Variants in TLE4 observed in about 807,000 individuals in gnomAD.
TLE4 encodes transducin-like enhancer protein 4.
In TLE4, 8 loss-of-function variants were observed where a neutral mutation model predicts 92.8. The observed-to-expected ratio is 0.09, with a 90% CI of 0.05 to 0.16. TLE4 has a LOEUF of 0.16. Ranked by LOEUF, TLE4 falls within the 10% of genes least tolerant of loss-of-function variation. The probability of loss-of-function intolerance (pLI) is 1.00; values close to 1 mark genes in which losing one functional copy is unlikely to be tolerated. For missense variants in TLE4, 675 were observed against 997.6 expected (o/e 0.68, Z 4.36); for synonymous variants, 371 against 374.1 (o/e 0.99, Z 0.10).
chr9:79,665,000 A>T (rs2061165910), intron 8 of TLE4, among the ~76,000 whole-genome samples: 1 of 152,080 alleles, frequency 6.6e-6, no homozygotes, highest in African/African-American at 2.4e-5. Flanking sequence ...CTATTTGGTT[A>T]ATTGTTAGGG....
chr9:79,637,774 C>T (rs1206785755), intron 6 of TLE4, among the ~76,000 whole-genome samples: 1 of 152,074 alleles, frequency 6.6e-6, no homozygotes, highest in Non-Finnish European at 1.5e-5. Context: ...CTTGGATCTT[C>T]TGGAATTTCA....
In TLE4 at chr9:79,726,810, C is replaced by G. The variant is rs991571025; in HGVS notation, c.*1666C>G. 3 of 152,456 alleles carry G rather than the reference C, an allele frequency of 2.0e-5. No homozygotes were observed. The highest frequency in any genetic ancestry group is 2.9e-5 in the Non-Finnish European group (2 of 68,024). 9.4% of individuals were successfully genotyped at this position (152,456 alleles called of 1,614,324 possible). ...TTTTTTATCTTTGGCTGTGCCACTCCTATATATTAAAAATGCCTAGTTTTT... is the reference window on the plus strand; with the variant it reads ...TTTTTTATCTTTGGCTGTGCCACTCGTATATATTAAAAATGCCTAGTTTTT... On this transcript the variant is annotated 3_prime_UTR_variant, in exon 20 of 20. Coordinates refer to ENST00000376552, the MANE Select transcript of TLE4 (RefSeq NM_007005.6).
At chr9:79,596,038 G>C (rs1411511442) in intron 4 of TLE4, among the ~76,000 whole-genome samples, 1 of 148,620 alleles carries the variant, frequency 6.7e-6, no homozygotes, top group Non-Finnish European at 1.5e-5. Flanking sequence ...AGTAGAGACA[G>C]GGTTTCACCG....
intron 6 of TLE4, among the ~76,000 whole-genome samples, chr9:79,642,310 C>T (rs1160223990): frequency 6.6e-6 from 1 of 151,888 alleles, no homozygotes; most frequent in Non-Finnish European, 1.5e-5. Flanking sequence ...AGTGGCTATT[C>T]ATAGGTATAA....
chr9:79,652,953 C>A (rs1231739809), intron 7 of TLE4, 159 bp downstream of exon 7: 1 of 847,756 alleles, frequency 1.2e-6, no homozygotes. Flanking sequence ...TAGTCAATTG[C>A]CAAATGATAT....
At chr9:79,650,581 T>C (rs2058787118) in intron 6 of TLE4, among the ~76,000 whole-genome samples, 2 of 152,234 alleles carry the variant, frequency 1.3e-5, no homozygotes, top group South Asian at 4.1e-4. Context: ...AATATAATTT[T>C]GTGTGCATAC....
chr9:79,684,373 G>A (rs1417195735), intron 8 of TLE4, among the ~76,000 whole-genome samples: 1 of 152,152 alleles, frequency 6.6e-6, no homozygotes, highest in South Asian at 2.1e-4. Context: ...GAGGTGAGTG[G>A]CGGCTGAGTG....
At chr9:79,657,485 A>T (rs2059934680) in intron 8 of TLE4, among the ~76,000 whole-genome samples, 2 of 152,108 alleles carry the variant, frequency 1.3e-5, no homozygotes, top group South Asian at 2.1e-4. Flanking sequence ...GGTAAAAGTG[A>T]TGGGCTCTAA....
intron 4 of TLE4, chr9:79,576,940 T>C (rs2131897419): frequency 6.6e-6 from 1 of 151,726 alleles, no homozygotes; most frequent in African/African-American, 2.4e-5. Context: ...GGTATATCTA[T>C]CTATATATAT....
intron 6 of TLE4, among the ~76,000 whole-genome samples, chr9:79,637,836 C>CTG (rs147182815): frequency 0.025 from 3,774 of 150,480 alleles, 50 homozygotes; most frequent in African/African-American, 0.032. Flanking sequence ...GCAGAATTGC[C>CTG]TGTGTGTGTG....
intron 19 of TLE4, among the ~76,000 whole-genome samples, chr9:79,723,605 T>C (rs2075986877): frequency 6.6e-6 from 1 of 152,236 alleles, no homozygotes; most frequent in South Asian, 2.1e-4. Flanking sequence ...TCTCTCCTAC[T>C]GGTATGTGAG....
chr9:79,682,230 G>C (rs1258196683), intron 8 of TLE4, among the ~76,000 whole-genome samples: 1 of 151,902 alleles, frequency 6.6e-6, no homozygotes. Flanking sequence ...AAAACTGAAA[G>C]GTTTTTTTTG....
intron 8 of TLE4, among the ~76,000 whole-genome samples, chr9:79,668,061 T>C (rs2061687043): frequency 6.6e-6 from 1 of 152,250 alleles, no homozygotes; most frequent in Non-Finnish European, 1.5e-5. Context: ...ATTCTACATG[T>C]TTGCCCAAGC....
At position 79,578,214 on chromosome 9, in the gene TLE4, A is replaced by G. The variant is rs1469647768; in HGVS notation, c.252+2037A>G. On this transcript the variant is annotated intron_variant, in intron 4 of 19. Transcript: ENST00000376552. ...GGATACCCTTGTAATGGAAAGCAGC[A>G]ATAATGCAGGGAAGTTGCCCTGCGG... is the stretch of plus-strand genomic sequence containing the variant. 2.6e-5 allele frequency among the ~76,000 whole-genome samples: 4 copies of G among 152,300 alleles called. No homozygotes were observed. In the East Asian group the frequency reaches 7.7e-4, roughly 29 times the overall value.
At chr9:79,666,208 T>G (rs1296630336) in intron 8 of TLE4, among the ~76,000 whole-genome samples, 9 of 46,246 alleles carry the variant, frequency 1.9e-4, no homozygotes, top group Non-Finnish European at 6.2e-5. Flanking sequence ...GGTGGGGTTT[T>G]TTTTTTTTGT....
chr9:79,603,806 G>A (rs1021447568), intron 4 of TLE4, among the ~76,000 whole-genome samples: 1 of 152,070 alleles, frequency 6.6e-6, no homozygotes, highest in Non-Finnish European at 1.5e-5. Context: ...CGTATTGAGT[G>A]TCTTTGACAT....
intron 6 of TLE4, among the ~76,000 whole-genome samples, chr9:79,631,314 A>T (rs908966407): frequency 6.6e-5 from 10 of 152,170 alleles, no homozygotes; most frequent in Admixed American, 2.6e-4. Flanking sequence ...GTTCATTTGG[A>T]CTTTCTCTAC....
intron 6 of TLE4, among the ~76,000 whole-genome samples, chr9:79,646,976 A>T (rs965085509): frequency 6.6e-6 from 1 of 152,166 alleles, no homozygotes; most frequent in African/African-American, 2.4e-5. Flanking sequence ...ATTAAGCAGT[A>T]TGCCTGTAGG....
intron 1 of TLE4, chr9:79,573,122 A>G (rs2036337978): frequency 4.8e-6 from 3 of 620,492 alleles, no homozygotes; most frequent in African/African-American, 1.9e-5. Flanking sequence ...CGACTCCTCG[A>G]GGGGGGGTGG....
Sources: allele counts gnomAD v4.1 joint callset (sites outside exome capture counted in the v4.1 genomes callset), GRCh38; gene constraint gnomAD v4.1.1; transcripts MANE v1.5; gene names NCBI Gene and HGNC (gene_info 2026-07-23, HGNC 2026-07-21).